The following FRMPD4 variants were observed in gnomAD, a reference collection of about 807,000 sequenced individuals.
FRMPD4 encodes FERM and PDZ domain-containing protein 4.
In FRMPD4, 22 loss-of-function variants were observed where a neutral mutation model predicts 94.1. The ratio of observed to expected loss-of-function variants is 0.23; its 90% CI spans 0.17 to 0.33. FRMPD4 has a LOEUF of 0.33. Among genes scored for constraint, FRMPD4 ranks in the 10% least tolerant of loss-of-function variants. The pLI, the probability that FRMPD4 is intolerant of heterozygous loss-of-function variation, is 1.00. For missense variants in FRMPD4, 1,111 were observed against 1,339.9 expected, an observed-to-expected ratio of 0.83 and a Z score of 2.67; for synonymous variants, 631 against 548.6, an observed-to-expected ratio of 1.15 and a Z score of -2.10.
intron 1 of FRMPD4, among the ~76,000 whole-genome samples, chrX:12,314,754 T>C (rs188661483): frequency 7.2e-5 from 8 of 111,342 alleles, no homozygotes; most frequent in East Asian, 2.8e-4. Context: ...GTGTCACTAG[T>C]CCACTTAAGA....
chrX:11,854,252 C>G (rs1452592689), intron 1 of FRMPD4, among the ~76,000 whole-genome samples: 1 of 111,289 alleles, frequency 9.0e-6, no homozygotes. Flanking sequence ...CTGGTCCCTC[C>G]CTCAACACAA....
At chrX:12,348,589 GAAAA>G (rs35385075) in intron 1 of FRMPD4, among the ~76,000 whole-genome samples, 2 of 66,099 alleles carry the variant, frequency 3.0e-5, no homozygotes, top group African/African-American at 1.1e-4. Flanking sequence ...ATGCTTCCAG[GAAAA>G]AAAAAAAAAA....
intron 1 of FRMPD4, among the ~76,000 whole-genome samples, chrX:12,224,505 G>A: frequency 9.0e-6 from 1 of 111,512 alleles, no homozygotes; most frequent in South Asian, 3.8e-4. Flanking sequence ...TTAGAAAGGG[G>A]GAATTCACAT....
intron 2 of FRMPD4, among the ~76,000 whole-genome samples, chrX:12,533,112 C>A (rs2058301610): frequency 1.8e-5 from 2 of 111,081 alleles, no homozygotes; most frequent in African/African-American, 3.3e-5. Context: ...GTAGGAGAGA[C>A]CCAGTGGGAG....
At chrX:12,718,922 A>G in intron 16 of FRMPD4, 132 bp downstream of exon 16, 1 of 448,763 alleles carries the variant, frequency 2.2e-6, no homozygotes, top group South Asian at 4.6e-5. Context: ...CAGAACTGTA[A>G]AGTACCAATC....
At position 12,083,944 on chromosome X, in the gene FRMPD4, G is replaced by A. The variant is rs756680134; in HGVS notation, c.95+205926G>A. ...CTTTTGATTTTACAGGCTCATAGGT[G>A]GAAGGGACTTGCCTTGTCTCAGATG... On this transcript the variant is annotated intron_variant, in intron 3 of 18. Coordinates refer to the FRMPD4 transcript ENST00000640291. Among the ~76,000 whole-genome samples, 17 of 111,766 alleles carry A rather than the reference G, an allele frequency of 1.5e-4. No homozygotes were observed. The South Asian group carries it at 6.4e-3, about 42-fold the overall frequency.
intron 3 of FRMPD4, among the ~76,000 whole-genome samples, chrX:11,964,405 A>G (rs2054299952): frequency 9.0e-6 from 1 of 110,569 alleles, no homozygotes; most frequent in East Asian, 2.8e-4. Context: ...CGGCCTCCCA[A>G]AGTGCTGGGA....
At chrX:11,888,511 A>G (rs915397369) in intron 3 of FRMPD4, among the ~76,000 whole-genome samples, 1 of 112,190 alleles carries the variant, frequency 8.9e-6, no homozygotes, top group African/African-American at 3.2e-5. Context: ...TCTAGAATGT[A>G]TTTGTCAATA....
At chrX:12,426,748 C>T (rs1369904801) in intron 1 of FRMPD4, among the ~76,000 whole-genome samples, 1 of 111,656 alleles carries the variant, frequency 9.0e-6, no homozygotes, top group Non-Finnish European at 1.9e-5. Flanking sequence ...TCCTATCAGT[C>T]CGATGGTTAA....
rs902552348 is a variant in FRMPD4, at chrX:12,050,711, A to G, written c.95+172693A>G. On this transcript the variant is annotated intron_variant, in intron 3 of 18. Coordinates refer to the FRMPD4 transcript ENST00000640291. ...CTGAACTGGAATGCTTAGCTTTTTA[A>G]CTTTTAGGTGGGCATACAAAGTGAT... Among the ~76,000 whole-genome samples, 23 of 109,948 alleles carry G rather than the reference A, an allele frequency of 2.1e-4. 1 individual carries two copies. Among genetic ancestry groups the G allele is most frequent in the African/African-American group, 7.3e-4 (22 of 30,276 alleles).
chrX:12,524,865 A>G (rs2058205021), intron 2 of FRMPD4, among the ~76,000 whole-genome samples: 1 of 111,820 alleles, frequency 8.9e-6, no homozygotes, highest in African/African-American at 3.3e-5. Flanking sequence ...CCCGCAATCC[A>G]TGGGACATAT....
intron 1 of FRMPD4, among the ~76,000 whole-genome samples, chrX:11,845,676 C>A (rs1203805102): frequency 1.0e-3 from 110 of 110,484 alleles, no homozygotes; most frequent in Non-Finnish European, 1.7e-3. Context: ...AAAAGCTTAT[C>A]CACAATGATC....
At chrX:12,334,610 G>GAAAA (rs780511138) in intron 1 of FRMPD4, among the ~76,000 whole-genome samples, 13 of 97,992 alleles carry the variant, frequency 1.3e-4, no homozygotes, top group African/African-American at 4.8e-4. Context: ...CTTCATTGGT[G>GAAAA]AAAAAAAAAA....
chrX:12,568,212 T>C (rs765662227), intron 2 of FRMPD4, among the ~76,000 whole-genome samples: 3 of 111,813 alleles, frequency 2.7e-5, no homozygotes, highest in South Asian at 7.5e-4. Context: ...CTGTGTGCTA[T>C]TGGTGATCCC....
chrX:12,638,859 G>C (rs1259227816), intron 4 of FRMPD4, among the ~76,000 whole-genome samples: 2 of 111,013 alleles, frequency 1.8e-5, no homozygotes, highest in Non-Finnish European at 3.8e-5. Flanking sequence ...CAGAGTCATA[G>C]TTAATACCGG....
intron 1 of FRMPD4, among the ~76,000 whole-genome samples, chrX:12,184,355 T>G (rs17281362): frequency 0.2 from 21,995 of 110,968 alleles, 1,965 homozygotes; most frequent in East Asian, 0.61. Flanking sequence ...CAATACATGG[T>G]AGACAACCGT....
In FRMPD4 at chrX:12,015,448, C is replaced by A. The variant is rs149388923; in HGVS notation, c.95+137430C>A. On this transcript the variant is annotated intron_variant, in intron 3 of 18. Transcript: ENST00000640291. ...CATTGGATGCTTTCATACCAACCTG[C>A]ACTTTTTTCATTTTTCGACTTACCA... 5.2e-3 allele frequency among the ~76,000 whole-genome samples: 585 copies of A among 111,868 alleles called. 4 individuals are homozygous for A. Among genetic ancestry groups the A allele is most frequent in the African/African-American group, 0.018 (567 of 30,752 alleles).
intron 14 of FRMPD4, among the ~76,000 whole-genome samples, chrX:12,712,587 C>T (rs370830683): frequency 9.0e-6 from 1 of 110,925 alleles, no homozygotes; most frequent in Admixed American, 9.6e-5. Context: ...GTGATAGAAA[C>T]ACAGAAAGGA....
At chrX:11,904,862 G>T (rs1489369592) in intron 3 of FRMPD4, among the ~76,000 whole-genome samples, 1 of 112,199 alleles carries the variant, frequency 8.9e-6, no homozygotes, top group Non-Finnish European at 1.9e-5. Context: ...AATCTATTTT[G>T]GTGATAATAG....
Sources: allele counts gnomAD v4.1 joint callset (sites outside exome capture counted in the v4.1 genomes callset), GRCh38; gene constraint gnomAD v4.1.1; transcripts MANE v1.5; gene names NCBI Gene and HGNC (gene_info 2026-07-23, HGNC 2026-07-21).